CLVS1: variants seen among roughly 807,000 people sequenced by gnomAD.
CLVS1 encodes the protein clavesin-1.
A neutral mutation model predicts 33.1 loss-of-function variants in CLVS1; 10 were observed. That is an observed-to-expected ratio of 0.30 (90% CI 0.19 to 0.51). The LOEUF (loss-of-function observed/expected upper bound fraction) is 0.51, where lower values mean the gene tolerates loss of function less well. Among genes scored for constraint, CLVS1 ranks in the 20% least tolerant of loss-of-function variants. The pLI is 0.97. For missense variants in CLVS1, 343 were observed against 433.4 expected (o/e 0.79, Z 1.85); for synonymous variants, 163 against 166.1 (o/e 0.98, Z 0.14).
intron 2 of CLVS1, among the ~76,000 whole-genome samples, chr8:61,342,117 G>T (rs978612802): frequency 6.6e-6 from 1 of 152,200 alleles, no homozygotes; most frequent in Admixed American, 6.5e-5. Flanking sequence ...TAAAGCGGGT[G>T]ACTCTTGCTC....
chr8:61,481,953 G>C (rs139101309), intron 5 of CLVS1, among the ~76,000 whole-genome samples: 3,368 of 152,274 alleles, frequency 0.022, 47 homozygotes, highest in South Asian at 0.065. Flanking sequence ...CTCCCAGTAG[G>C]GGCCGACTGA....
Position 61,155,899 on chromosome 8 carries a change from T to C in CLVS1, c.-152+24039T>C, listed in dbSNP as rs1473035000. 2.0e-5 allele frequency among the ~76,000 whole-genome samples: 3 copies of C among 152,168 alleles called. No individual in the cohort carries two copies. In the East Asian group the frequency reaches 5.8e-4, roughly 29 times the overall value. On this transcript the variant is annotated intron_variant, in intron 2 of 2. Coordinates refer to the CLVS1 transcript ENST00000522621. ...TTTCTGAGAGCTCCTCCCTGAGGGA[T>C]GTCATCTGTAAACAAGATAGCCTGT...
chr8:60,972,482 A>G, the CLVS1 span, among the ~76,000 whole-genome samples: 1 of 152,308 alleles, frequency 6.6e-6, no homozygotes, highest in African/African-American at 2.4e-5. Context: ...AGGGGCCTGA[A>G]TTCCCTTAAG....
chr8:61,105,092 A>T (rs929487012), intron 1 of CLVS1, among the ~76,000 whole-genome samples: 1 of 152,174 alleles, frequency 6.6e-6, no homozygotes, highest in Non-Finnish European at 1.5e-5. Flanking sequence ...ACCCTCCCAA[A>T]GTGCTGGAAT....
intron 1 of CLVS1, among the ~76,000 whole-genome samples, chr8:61,077,135 GCGA>G (rs1158896352): frequency 6.6e-6 from 1 of 151,794 alleles, no homozygotes; most frequent in East Asian, 1.9e-4. Flanking sequence ...GTGCAGTGGC[GCGA>G]TCTCGGCTCA....
the CLVS1 span, among the ~76,000 whole-genome samples, chr8:60,976,568 A>C: frequency 6.6e-6 from 1 of 152,198 alleles, no homozygotes; most frequent in Non-Finnish European, 1.5e-5. Context: ...GGGTAATGTC[A>C]TGGGAAGACG....
chr8:61,322,546 G>A (rs1276216839), intron 2 of CLVS1, among the ~76,000 whole-genome samples: 4 of 152,124 alleles, frequency 2.6e-5, no homozygotes, highest in South Asian at 2.1e-4. Context: ...CAGTGCCATC[G>A]GTGGTGTCAA....
At chr8:61,282,220 A>G (rs534950164) in intron 2 of CLVS1, among the ~76,000 whole-genome samples, 1 of 152,368 alleles carries the variant, frequency 6.6e-6, no homozygotes, top group South Asian at 2.1e-4. Flanking sequence ...AAAGAATCTC[A>G]GTAAGTAGAA....
chr8:61,030,510 T>C, the CLVS1 span, among the ~76,000 whole-genome samples: 11 of 152,190 alleles, frequency 7.2e-5, no homozygotes, highest in Non-Finnish European at 7.3e-5. Flanking sequence ...ACACTCTGTG[T>C]TCAGACCCTG....
chr8:61,205,689 TTTTCAAAATGATTATATTATTTTA>T (rs2129306066), intron 2 of CLVS1, among the ~76,000 whole-genome samples: 1 of 152,252 alleles, frequency 6.6e-6, no homozygotes, highest in East Asian at 1.9e-4. Context: ...CACCATCTAG[TTTTCAAAATGATTATATTATTTTA>T]CACTCCCACC....
chr8:61,155,102 A>T (rs1280575290), intron 2 of CLVS1, among the ~76,000 whole-genome samples: 4 of 152,232 alleles, frequency 2.6e-5, no homozygotes, highest in Non-Finnish European at 5.9e-5. Flanking sequence ...TGTCAGAAAC[A>T]GGAAATATAA....
At chr8:61,261,972 C>CTGTG (rs1809210440) in intron 2 of CLVS1, among the ~76,000 whole-genome samples, 1 of 116,008 alleles carries the variant, frequency 8.6e-6, no homozygotes, top group Admixed American at 9.0e-5. Context: ...ATTCTCATTG[C>CTGTG]TGCGTGTGTG....
the CLVS1 span, among the ~76,000 whole-genome samples, chr8:60,965,608 G>C: frequency 2.0e-5 from 3 of 152,184 alleles, no homozygotes; most frequent in Non-Finnish European, 4.4e-5. Context: ...GGGCCACACA[G>C]AACCTGGATG....
chr8:61,283,695 G>C (rs952800665), upstream of CLVS1, among the ~76,000 whole-genome samples: 4 of 152,108 alleles, frequency 2.6e-5, no homozygotes, highest in East Asian at 1.9e-4. Flanking sequence ...ACAAAGCATT[G>C]AACCACTAGC....
At chr8:61,351,219 G>A (rs892669448) in intron 2 of CLVS1, among the ~76,000 whole-genome samples, 2 of 151,850 alleles carry the variant, frequency 1.3e-5, no homozygotes, top group African/African-American at 4.8e-5. Flanking sequence ...CTCAGTAAAG[G>A]AATAGAAGTT....
chr8:61,090,333 C>A lies in CLVS1; in HGVS notation c.-243+33103C>A, dbSNP rs943994948. 2.6e-5 allele frequency among the ~76,000 whole-genome samples: 4 copies of A among 152,244 alleles called. No individual in the cohort carries two copies. In the South Asian group the frequency reaches 8.3e-4, roughly 32 times the overall value. ...ACGTGTACTTCCCTTTATTAATTAT[C>A]CTGTCCACGCTGTCTGTGTCAGGCT... On this transcript the variant is annotated intron_variant, in intron 1 of 2. Coordinates refer to the CLVS1 transcript ENST00000522621.
At chr8:61,481,771 G>T (rs1451548191) in intron 5 of CLVS1, among the ~76,000 whole-genome samples, 1 of 152,246 alleles carries the variant, frequency 6.6e-6, no homozygotes, top group Admixed American at 6.5e-5. Context: ...ACCTCTGGGG[G>T]CAGGGTATAG....
At chr8:61,254,527 AC>A (rs993568520) in intron 2 of CLVS1, among the ~76,000 whole-genome samples, 94 of 152,282 alleles carry the variant, frequency 6.2e-4, no homozygotes, top group African/African-American at 1.9e-3. Flanking sequence ...AGTGGAGTCT[AC>A]AGAGGCAGGC....
At chr8:61,398,257 C>G (rs776133769) in intron 3 of CLVS1, among the ~76,000 whole-genome samples, 5 of 149,150 alleles carry the variant, frequency 3.4e-5, no homozygotes, top group African/African-American at 1.2e-4. Context: ...TCATGGCTCA[C>G]TGCAGCCTTG....
Sources: allele counts gnomAD v4.1 joint callset (sites outside exome capture counted in the v4.1 genomes callset), GRCh38; gene constraint gnomAD v4.1.1; transcripts MANE v1.5; gene names NCBI Gene and HGNC (gene_info 2026-07-23, HGNC 2026-07-21).